LZIC: variants seen among roughly 807,000 people sequenced by gnomAD.
LZIC encodes protein LZIC.
A neutral mutation model predicts 25.4 loss-of-function variants in LZIC; 28 were observed. That is an observed-to-expected ratio of 1.10 (90% CI 0.82 to 1.51). The LOEUF (loss-of-function observed/expected upper bound fraction) is 1.51, where lower values mean the gene tolerates loss of function less well. LZIC is among the 40% of genes most tolerant of loss of function. The pLI is 0.00. For synonymous variants in LZIC, 65 were observed against 70.7 expected, an observed-to-expected ratio of 0.92 and a Z score of 0.40; for missense variants, 170 against 211.1, an observed-to-expected ratio of 0.81 and a Z score of 1.21.
intron 7 of LZIC, among the ~76,000 whole-genome samples, 171 bp from the exon 8 acceptor site, chr1:9,930,628 C>T (rs547500099): frequency 6.6e-6 from 1 of 152,148 alleles, no homozygotes; most frequent in East Asian, 1.9e-4. Context: ...ATTTCCTTCC[C>T]TCTGCACAAA....
chr1:9,925,102 G>A (rs1421231858), downstream of LZIC, among the ~76,000 whole-genome samples: 25 of 151,258 alleles, frequency 1.7e-4, no homozygotes, highest in African/African-American at 4.9e-4. Flanking sequence ...ACCTGAGGTC[G>A]GGACTTTGAG....
chr1:9,941,733 G>A (rs1040050525), intron 2 of LZIC, among the ~76,000 whole-genome samples: 2 of 151,878 alleles, frequency 1.3e-5, no homozygotes, highest in Non-Finnish European at 2.9e-5. Context: ...TCTTGCCCTC[G>A]TGATCTGCCT....
rs1370027824 is a variant in LZIC at position 9,932,914 on chromosome 1, G to A, written c.337-16C>T. ...CTCTATCCATCTAAAACGTATGAATGCAAGGCATATGTTACTTAAGTGAAA... is the reference window on the plus strand; with the variant it reads ...CTCTATCCATCTAAAACGTATGAATACAAGGCATATGTTACTTAAGTGAAA... On this transcript the variant is annotated splice_polypyrimidine_tract_variant and intron_variant, in intron 5 of 7. Coordinates refer to ENST00000377223, the MANE Select transcript of LZIC (RefSeq NM_032368.5). The A allele has an allele frequency of 2.7e-6, 4 of 1,492,494 alleles. No individual in the cohort carries two copies. The highest frequency in any genetic ancestry group is 3.7e-6 in the Non-Finnish European group (4 of 1,071,458). The allele number at this position is 1,492,494 out of a possible 1,614,324, so 92.5% of individuals were successfully genotyped here. A position where few individuals can be genotyped will look rare whatever the true frequency, so the allele number is the denominator to read the frequency against.
Position 9,931,975 on chromosome 1 carries a change from A to G in LZIC, c.433-3T>C. On this transcript the variant is annotated splice_polypyrimidine_tract_variant and splice_region_variant and intron_variant, in intron 6 of 7. Coordinates refer to ENST00000377223, the MANE Select transcript of LZIC (RefSeq NM_032368.5). ...AAGGCCTCATCATCTGCAGTCAGCT[A>G]AACAAAATGAAACAAAGTCCAGTTG... The G allele has an allele frequency of 6.2e-7, 1 of 1,609,546 alleles. No homozygotes were observed. Among genetic ancestry groups the G allele is most frequent in the Non-Finnish European group, 8.5e-7 (1 of 1,177,020 alleles).
rs2289478 is a variant in LZIC at position 9,930,054 on chromosome 1, A to C, written c.*345T>G. 1 of 1,034,942 alleles carries C rather than the reference A, an allele frequency of 9.7e-7. No individual in the cohort carries two copies. Among genetic ancestry groups the C allele is most frequent in the Non-Finnish European group, 1.2e-6 (1 of 859,694 alleles). 64.1% of individuals were successfully genotyped at this position (1,034,942 alleles called of 1,614,324 possible). A position where few individuals can be genotyped will look rare whatever the true frequency, so the allele number is the denominator to read the frequency against. ...GATAAGTTGTAAGCAGAAAAATATC[A>C]TTACTTCACATCTTTTCGTTCACTA... is the stretch of plus-strand genomic sequence containing the variant. On this transcript the variant is annotated 3_prime_UTR_variant, in exon 8 of 8. Transcript: ENST00000377223.
At chr1:9,933,928 AC>A (rs930509963) in intron 5 of LZIC, among the ~76,000 whole-genome samples, 82 of 151,644 alleles carry the variant, frequency 5.4e-4, no homozygotes, top group African/African-American at 1.5e-3. Flanking sequence ...CAACAAAAAA[AC>A]AAAAAACAAA....
downstream of LZIC, among the ~76,000 whole-genome samples, chr1:9,924,325 C>T (rs191028068): frequency 3.2e-4 from 49 of 151,558 alleles, no homozygotes; most frequent in African/African-American, 1.2e-3. Context: ...AAAAAAGGCT[C>T]TATCCAATAT....
At chr1:9,934,923 TGATTGACG>T in intron 4 of LZIC, 63 bp from the exon 5 acceptor site, 1 of 1,164,516 alleles carries the variant, frequency 8.6e-7, no homozygotes, top group Non-Finnish European at 1.3e-6. Flanking sequence ...TTGCAATAAC[TGATTGACG>T]GATCCTTAAT....
In LZIC at chr1:9,929,236, A is replaced by T. The variant is rs538630873; in HGVS notation, c.*1163T>A. On this transcript the variant is annotated 3_prime_UTR_variant, in exon 8 of 8. Coordinates refer to ENST00000377223, the MANE Select transcript of LZIC (RefSeq NM_032368.5). ...GGCATCAGTGTAGCGGAGGTCCTCT[A>T]ATCTGTCTGGTTGGCAAAGCACCTA... The T allele has an allele frequency of 1.9e-5, 16 of 860,738 alleles. No individual in the cohort carries two copies. The South Asian group carries it at 7.5e-4, about 40-fold the overall frequency. The allele number at this position is 860,738 out of a possible 1,614,324, so 53.3% of individuals were successfully genotyped here. A position where few individuals can be genotyped will look rare whatever the true frequency, so the allele number is the denominator to read the frequency against.
downstream of LZIC, among the ~76,000 whole-genome samples, chr1:9,923,748 ATTTAT>A: frequency 6.6e-6 from 1 of 151,908 alleles, no homozygotes; most frequent in Non-Finnish European, 1.5e-5. Flanking sequence ...TATTGCTTTT[ATTTAT>A]ATTTATATAT....
At chr1:9,924,877 T>C (rs1281538544), downstream of LZIC, among the ~76,000 whole-genome samples, 1 of 152,016 alleles carries the variant, frequency 6.6e-6, no homozygotes, top group Non-Finnish European at 1.5e-5. Context: ...TTACAGGAAA[T>C]AGACAAGGTA....
rs1005086472 is a variant in LZIC, at chr1:9,926,570, C to T, written c.*3829G>A. 6.6e-6 allele frequency among the ~76,000 whole-genome samples: 1 copy of T among 152,222 alleles called. No individual in the cohort carries two copies. Among genetic ancestry groups the T allele is most frequent in the African/African-American group, 2.4e-5 (1 of 41,468 alleles). ...TACCACCCACATAAAATATGTCTTA[C>T]TGCTCACAAGATCAAAAGAAAACAG... On this transcript the variant is annotated 3_prime_UTR_variant, in exon 8 of 8. Coordinates refer to ENST00000377223, the MANE Select transcript of LZIC (RefSeq NM_032368.5).
At chr1:9,930,676 C>T (rs1257784084) in intron 7 of LZIC, among the ~76,000 whole-genome samples, 1 of 151,150 alleles carries the variant, frequency 6.6e-6, no homozygotes, top group Admixed American at 6.6e-5. Context: ...AGTTATAAAT[C>T]CTTATTCTAG....
At chr1:9,923,910 G>A (rs1330658073), downstream of LZIC, among the ~76,000 whole-genome samples, 2 of 152,034 alleles carry the variant, frequency 1.3e-5, no homozygotes, top group African/African-American at 4.8e-5. Flanking sequence ...GAGCCACCAC[G>A]CCCGGCTAAT....
chr1:9,932,173 A>G (rs1208844166), intron 6 of LZIC: 2 of 458,396 alleles, frequency 4.4e-6, no homozygotes, highest in Non-Finnish European at 7.8e-6. Flanking sequence ...ATGAAACCCC[A>G]TTTCTATTAA....
chr1:9,938,992 T>A (rs1640573533), intron 2 of LZIC, among the ~76,000 whole-genome samples: 1 of 152,196 alleles, frequency 6.6e-6, no homozygotes, highest in South Asian at 2.1e-4. Flanking sequence ...ACAATAAAGG[T>A]GGCATATTGA....
At position 9,934,787 on chromosome 1, in the gene LZIC, C is replaced by A. The variant is rs2304778; in HGVS notation, c.311G>T (p.Gly104Val). 6.2e-7 allele frequency: 1 copy of A among 1,614,116 alleles called. No homozygotes were observed. The highest frequency in any genetic ancestry group is 1.7e-5 in the Admixed American group (1 of 59,998). ...CTCTGCTAACCTTGTCCGAAGCTGACCTGGTTGTTTCTTTGCAAACAATCT... is the reference window on the plus strand; with the variant it reads ...CTCTGCTAACCTTGTCCGAAGCTGAACTGGTTGTTTCTTTGCAAACAATCT... Reference protein sequence around the residue: ...VIRLFAKKQPGQLRTRLAEMD... With the variant: ...VIRLFAKKQPVQLRTRLAEMD... Residue 104 changes from glycine to valine, a missense_variant, in exon 5 of 8, where the codon GGT becomes GTT. Physicochemically the swap from Gly to Val is moderately radical, Grantham distance 109 (BLOSUM62 -3). Transcript: ENST00000377223.
intron 7 of LZIC, 54 bp downstream of exon 7, chr1:9,931,837 T>C (rs369156772): frequency 8.7e-7 from 1 of 1,147,106 alleles, no homozygotes; most frequent in East Asian, 2.4e-5. Flanking sequence ...TCAGTTTGTA[T>C]GTAATATATG....
chr1:9,926,605 T>C lies in LZIC; in HGVS notation c.*3794A>G, dbSNP rs373038818. On this transcript the variant is annotated 3_prime_UTR_variant, in exon 8 of 8. Transcript: ENST00000377223. ...GATCAAAAGAAAACAGAACAAAACA[T>C]TGAAACATCAGAATTGTTTAAAACA... 6.6e-6 allele frequency among the ~76,000 whole-genome samples: 1 copy of C among 152,192 alleles called. No homozygotes were observed. The highest frequency in any genetic ancestry group is 1.9e-4 in the East Asian group (1 of 5,196).
Sources: gnomAD v4.1 joint callset for allele counts (sites outside exome capture counted in the v4.1 genomes callset) on GRCh38, gnomAD v4.1.1 for gene constraint, MANE v1.5 for transcripts, NCBI Gene and HGNC (gene_info 2026-07-23, HGNC 2026-07-21) for gene names.